The following UGGT2 variants were observed in gnomAD, a reference collection of about 807,000 sequenced individuals.
UGGT2 encodes UDP-glucose:glycoprotein glucosyltransferase 2.
UGGT2 carries 180 observed loss-of-function variants against 192.1 expected under a neutral mutation model. That is an observed-to-expected ratio of 0.94 (90% CI 0.83 to 1.06). UGGT2 has a LOEUF of 1.06. UGGT2 is among the 50% of genes least tolerant of loss of function. The pLI, the probability that UGGT2 is intolerant of heterozygous loss-of-function variation, is 0.00. For missense variants in UGGT2, 1,849 were observed against 1,795.7 expected (o/e 1.03, Z -0.54); for synonymous variants, 580 against 591.0 (o/e 0.98, Z 0.27).
At chr13:95,925,801 A>G in intron 19 of UGGT2, 27 bp from the exon 20 acceptor site, 2 of 1,481,496 alleles carry the variant, frequency 1.3e-6, no homozygotes, top group Non-Finnish European at 1.8e-6. Flanking sequence ...GTTTACTCAA[A>G]TTAACTTTTT....
At chr13:95,865,074 CCTT>C (rs1009785877) in intron 30 of UGGT2, among the ~76,000 whole-genome samples, 1 of 152,118 alleles carries the variant, frequency 6.6e-6, no homozygotes, top group African/African-American at 2.4e-5. Context: ...ACCCACTTTT[CCTT>C]CTTAGTAGCT....
At chr13:95,994,616 A>G (rs1463351263) in intron 7 of UGGT2, among the ~76,000 whole-genome samples, 1 of 151,906 alleles carries the variant, frequency 6.6e-6, no homozygotes, top group Non-Finnish European at 1.5e-5. Flanking sequence ...TTACTAAATT[A>G]TATTATTTTT....
intron 20 of UGGT2, among the ~76,000 whole-genome samples, chr13:95,918,784 C>G (rs1594324429): frequency 2.0e-5 from 3 of 152,288 alleles, no homozygotes; most frequent in Admixed American, 2.0e-4. Context: ...CAGCTGAATT[C>G]TACCAGAGGT....
intron 4 of UGGT2, among the ~76,000 whole-genome samples, chr13:96,014,359 G>A (rs529351236): frequency 8.5e-5 from 13 of 152,252 alleles, no homozygotes; most frequent in African/African-American, 1.7e-4. Flanking sequence ...CCTACAGCAC[G>A]TTAGTGAAAA....
chr13:95,904,628 T>C (rs1012940362), intron 20 of UGGT2, among the ~76,000 whole-genome samples: 9 of 152,218 alleles, frequency 5.9e-5, no homozygotes, highest in Middle Eastern at 3.4e-3. Flanking sequence ...CATGAACTCA[T>C]CATTTTTTAT....
chr13:95,948,218 TACAC>T (rs149949392), intron 13 of UGGT2, 137 bp from the exon 14 acceptor site: 5,322 of 316,718 alleles, frequency 0.017, 46 homozygotes, highest in African/African-American at 0.035. Flanking sequence ...TTCTAAGGAA[TACAC>T]ACACACACAC....
intron 5 of UGGT2, among the ~76,000 whole-genome samples, chr13:96,010,332 A>C (rs1373140105): frequency 6.6e-6 from 1 of 152,180 alleles, no homozygotes; most frequent in African/African-American, 2.4e-5. Context: ...CCTAGGTGAT[A>C]GGTTGATAGG....
At chr13:96,044,706 G>A (rs1214176123) in intron 1 of UGGT2, among the ~76,000 whole-genome samples, 2 of 152,060 alleles carry the variant, frequency 1.3e-5, no homozygotes, top group Non-Finnish European at 2.9e-5. Context: ...ATCATTCAAG[G>A]CTACCATGAA....
intron 20 of UGGT2, among the ~76,000 whole-genome samples, chr13:95,908,267 G>A (rs867996844): frequency 4.6e-5 from 7 of 152,274 alleles, no homozygotes; most frequent in South Asian, 2.1e-4. Context: ...CCAAATCTAC[G>A]TATGACTGGT....
chr13:95,812,205 A>G (rs1884619018), intron 38 of UGGT2, among the ~76,000 whole-genome samples: 1 of 152,212 alleles, frequency 6.6e-6, no homozygotes, highest in African/African-American at 2.4e-5. Flanking sequence ...AAATTTTAGA[A>G]AAACTAGAAA....
At chr13:96,046,566 G>A (rs1400577973) in intron 1 of UGGT2, among the ~76,000 whole-genome samples, 4 of 152,192 alleles carry the variant, frequency 2.6e-5, no homozygotes, top group South Asian at 2.1e-4. Context: ...GGTGATTTCC[G>A]CATTTCCAAC....
intron 29 of UGGT2, among the ~76,000 whole-genome samples, chr13:95,874,298 A>G (rs900001859): frequency 1.3e-5 from 2 of 152,168 alleles, no homozygotes; most frequent in African/African-American, 4.8e-5. Flanking sequence ...CCCTAAATGT[A>G]TGTTTTTCCT....
At chr13:95,937,220 C>A in intron 16 of UGGT2, 132 bp from the exon 17 acceptor site, 1 of 1,069,490 alleles carries the variant, frequency 9.4e-7, no homozygotes, top group Non-Finnish European at 1.3e-6. Context: ...TTTATCTGTC[C>A]TTTCCAAACA....
chr13:95,990,308 T>C, intron 7 of UGGT2: 1 of 240,126 alleles, frequency 4.2e-6, no homozygotes, highest in Non-Finnish European at 8.0e-6. Flanking sequence ...AGGAATATAC[T>C]CTCAATTGTT....
intron 12 of UGGT2, among the ~76,000 whole-genome samples, chr13:95,968,668 A>G (rs989562630): frequency 6.6e-6 from 1 of 152,332 alleles, no homozygotes; most frequent in African/African-American, 2.4e-5. Context: ...CCCAGAAGCC[A>G]AACAGATGTT....
At chr13:96,014,095 A>G (rs1236947211) in intron 4 of UGGT2, among the ~76,000 whole-genome samples, 5 of 152,202 alleles carry the variant, frequency 3.3e-5, no homozygotes, top group Non-Finnish European at 7.4e-5. Context: ...TGAGGCTCAG[A>G]TAAGTTAACT....
intron 36 of UGGT2, among the ~76,000 whole-genome samples, chr13:95,852,027 C>A (rs1889103624): frequency 6.6e-6 from 1 of 151,980 alleles, no homozygotes; most frequent in South Asian, 2.1e-4. Flanking sequence ...GTGAAGAGAC[C>A]CTATTTAGTC....
At chr13:95,828,490 C>T (rs1366083937) in intron 38 of UGGT2, among the ~76,000 whole-genome samples, 1 of 152,072 alleles carries the variant, frequency 6.6e-6, no homozygotes, top group Non-Finnish European at 1.5e-5. Flanking sequence ...GGGGATATCA[C>T]CACTGATCCC....
intron 20 of UGGT2, among the ~76,000 whole-genome samples, chr13:95,904,456 C>T (rs962496102): frequency 7.4e-6 from 1 of 135,624 alleles, no homozygotes; most frequent in African/African-American, 2.8e-5. Flanking sequence ...CCCCCCCACC[C>T]CACAACAGTC....
Sources: gnomAD v4.1 joint callset for allele counts (sites outside exome capture counted in the v4.1 genomes callset) on GRCh38, gnomAD v4.1.1 for gene constraint, MANE v1.5 for transcripts, NCBI Gene and HGNC (gene_info 2026-07-23, HGNC 2026-07-21) for gene names.